Variants in PDE2A observed in about 807,000 individuals in gnomAD.
PDE2A encodes the protein phosphodiesterase 2A, also known as cGMP-dependent 3',5'-cyclic phosphodiesterase.
In PDE2A, 53 loss-of-function variants were observed where a neutral mutation model predicts 133.6. That is an observed-to-expected ratio of 0.40 (90% CI 0.32 to 0.50). The LOEUF is 0.50. Among genes scored for constraint, PDE2A ranks in the 20% least tolerant of loss-of-function variants. The pLI, the probability that PDE2A is intolerant of heterozygous loss-of-function variation, is 0.73. For synonymous variants in PDE2A, 491 were observed against 490.2 expected, an observed-to-expected ratio of 1.00 and a Z score of -0.02; for missense variants, 796 against 1,232.4, an observed-to-expected ratio of 0.65 and a Z score of 5.30.
intron 1 of PDE2A, among the ~76,000 whole-genome samples, chr11:72,645,594 T>C (rs1691424564): frequency 6.6e-6 from 1 of 152,242 alleles, no homozygotes; most frequent in African/African-American, 2.4e-5. Context: ...GGGAGCATTT[T>C]AAATACTGAT....
intron 25 of PDE2A, 68 bp downstream of exon 25, chr11:72,580,509 G>T: frequency 8.6e-7 from 1 of 1,161,030 alleles, no homozygotes; most frequent in Non-Finnish European, 1.3e-6. Flanking sequence ...AGGAGGAGCT[G>T]GGTCATAACT....
At chr11:72,606,013 C>T (rs907209766) in intron 3 of PDE2A, among the ~76,000 whole-genome samples, 2 of 151,968 alleles carry the variant, frequency 1.3e-5, no homozygotes, top group Non-Finnish European at 2.9e-5. Flanking sequence ...CACAGGGAGA[C>T]GTGAGCAGAT....
chr11:72,576,672 T>A lies in PDE2A; in HGVS notation c.*712A>T, dbSNP rs1050829936. On this transcript the variant is annotated 3_prime_UTR_variant, in exon 31 of 31. Coordinates refer to ENST00000334456, the MANE Select transcript of PDE2A (RefSeq NM_002599.5). ...GACAGGGGAAGAGACTCGCCCAGCGTCACACAGGCAGGAGGAAGCATGGCT... is the reference window on the plus strand; with the variant it reads ...GACAGGGGAAGAGACTCGCCCAGCGACACACAGGCAGGAGGAAGCATGGCT... 5.9e-5 allele frequency: 10 copies of A among 169,366 alleles called. No individual in the cohort carries two copies. The highest frequency in any genetic ancestry group is 2.4e-4 in the African/African-American group (10 of 41,516). 10.5% of individuals were successfully genotyped at this position (169,366 alleles called of 1,614,324 possible).
chr11:72,625,356 A>T (rs1858005992), intron 2 of PDE2A, among the ~76,000 whole-genome samples: 1 of 152,218 alleles, frequency 6.6e-6, no homozygotes, highest in Non-Finnish European at 1.5e-5. Context: ...GCTTCCCAGA[A>T]CAGGGCTCCA....
intron 1 of PDE2A, among the ~76,000 whole-genome samples, chr11:72,670,033 C>T (rs1451940239): frequency 6.6e-6 from 1 of 151,532 alleles, no homozygotes; most frequent in Admixed American, 6.5e-5. Flanking sequence ...TCCACCACGG[C>T]CCAGGGCTTC....
At chr11:72,638,492 C>G (rs948366472) in intron 2 of PDE2A, among the ~76,000 whole-genome samples, 2 of 152,156 alleles carry the variant, frequency 1.3e-5, no homozygotes, top group Non-Finnish European at 2.9e-5. Flanking sequence ...GGTGCACATG[C>G]GGAGCCCCAC....
At chr11:72,603,583 A>G (rs1813325975) in intron 4 of PDE2A, among the ~76,000 whole-genome samples, 1 of 152,162 alleles carries the variant, frequency 6.6e-6, no homozygotes, top group Non-Finnish European at 1.5e-5. Flanking sequence ...AGCTTATATG[A>G]AGCAAAGTTC....
Position 72,665,910 on chromosome 11 carries a change from AC to A in PDE2A, c.71+8226del, listed in dbSNP as rs1422635411. ...AACGGTGAAAACCTAAAAAACAACA[AC>A]AAAAAAAAAACACGAAAAAAAAAGC... is the stretch of plus-strand genomic sequence containing the variant. On this transcript the variant is annotated intron_variant, in intron 1 of 30. Coordinates refer to ENST00000334456, the MANE Select transcript of PDE2A (RefSeq NM_002599.5). Among the ~76,000 whole-genome samples, 187 of 120,458 alleles carry A rather than the reference AC, an allele frequency of 1.6e-3. 1 individual carries two copies. Among genetic ancestry groups the A allele is most frequent in the African/African-American group, 4.9e-3 (179 of 36,810 alleles). 79.0% of individuals were successfully genotyped at this position (120,458 alleles called of 152,430 possible). A position where few individuals can be genotyped will look rare whatever the true frequency, so the allele number is the denominator to read the frequency against.
chr11:72,629,134 G>A (rs941578855), intron 2 of PDE2A, among the ~76,000 whole-genome samples: 3 of 152,272 alleles, frequency 2.0e-5, no homozygotes, highest in African/African-American at 7.2e-5. Context: ...GAGGCAGCAG[G>A]ACCCAGCTCA....
chr11:72,642,483 C>G, intron 1 of PDE2A, 157 bp from the exon 2 acceptor site: 1 of 699,362 alleles, frequency 1.4e-6, no homozygotes. Context: ...CCCGCCCCGG[C>G]CCGCCCCCCG....
intron 16 of PDE2A, 169 bp from the exon 17 acceptor site, chr11:72,585,113 T>A (rs1230284981): frequency 1.8e-6 from 1 of 560,452 alleles, no homozygotes; most frequent in East Asian, 3.1e-5. Flanking sequence ...TCAAGTGTTT[T>A]GTTTTTTTTT....
chr11:72,662,593 C>T (rs11235557), intron 1 of PDE2A, among the ~76,000 whole-genome samples: 63,177 of 151,992 alleles, frequency 0.42, 14,782 homozygotes, highest in Middle Eastern at 0.66. Context: ...GTGAAAGCCA[C>T]AGGCAGCATG....
intron 1 of PDE2A, among the ~76,000 whole-genome samples, chr11:72,655,301 C>A (rs1332238208): frequency 1.6e-5 from 2 of 127,138 alleles, no homozygotes; most frequent in Admixed American, 7.6e-5. Context: ...CTGGAGGCTG[C>A]TGCCTCCCTG....
At chr11:72,601,292 A>T (rs1424429538) in intron 4 of PDE2A, among the ~76,000 whole-genome samples, 3 of 19,448 alleles carry the variant, frequency 1.5e-4, no homozygotes, top group Non-Finnish European at 3.1e-4. Flanking sequence ...GGCCCCCATC[A>T]CCTCACTGAG....
chr11:72,584,201 A>G lies in PDE2A; in HGVS notation c.1650T>C (p.His550=), dbSNP rs907957014. The part of the protein sequence containing the change: ...FSIYCGISIA[H]SLLYKKVNEA... Reference sequence around the variant, plus strand: ...ACCCCACTCCCAACCCCGCCCTCACATGGGCGATGCTGATGCCGCAGTAGA... The same window carrying G: ...ACCCCACTCCCAACCCCGCCCTCACGTGGGCGATGCTGATGCCGCAGTAGA... The change falls in exon 19 of 31, where the codon CAT becomes CAC. Residue 550 remains histidine (H), a splice_region_variant and synonymous_variant. Transcript: ENST00000334456. The G allele has an allele frequency of 4.0e-6, 6 of 1,509,094 alleles. No individual in the cohort carries two copies. Among genetic ancestry groups the G allele is most frequent in the Non-Finnish European group, 4.6e-6 (5 of 1,095,370 alleles). 93.5% of individuals were successfully genotyped at this position (1,509,094 alleles called of 1,614,324 possible). A position where few individuals can be genotyped will look rare whatever the true frequency, so the allele number is the denominator to read the frequency against.
At chr11:72,607,017 G>A (rs1212237107) in intron 3 of PDE2A, among the ~76,000 whole-genome samples, 1 of 152,104 alleles carries the variant, frequency 6.6e-6, no homozygotes, top group Non-Finnish European at 1.5e-5. Flanking sequence ...CCCTGGGCGG[G>A]GGTCCCCTCC....
intron 2 of PDE2A, among the ~76,000 whole-genome samples, chr11:72,632,593 G>A (rs533642746): frequency 3.3e-5 from 5 of 152,276 alleles, no homozygotes; most frequent in South Asian, 2.1e-4. Context: ...AGTCATGTCC[G>A]GCAGAGGAAA....
At chr11:72,612,058 G>C (rs986269403) in intron 2 of PDE2A, among the ~76,000 whole-genome samples, 2 of 152,102 alleles carry the variant, frequency 1.3e-5, no homozygotes, top group Non-Finnish European at 2.9e-5. Flanking sequence ...AAGTCAGGGG[G>C]CTTCGATCTT....
chr11:72,601,450 CA>C (rs1029632189), intron 4 of PDE2A, among the ~76,000 whole-genome samples: 8 of 148,966 alleles, frequency 5.4e-5, no homozygotes, highest in African/African-American at 2.0e-4. Context: ...TCCTCTGAGA[CA>C]ACCCCTAGGG....
Sources: allele counts gnomAD v4.1 joint callset (sites outside exome capture counted in the v4.1 genomes callset), GRCh38; gene constraint gnomAD v4.1.1; transcripts MANE v1.5; gene names NCBI Gene and HGNC (gene_info 2026-07-23, HGNC 2026-07-21).